The following ZMAT4 variants were observed in gnomAD, a reference collection of about 807,000 sequenced individuals.
ZMAT4 encodes zinc finger matrin-type 4, also known as zinc finger matrin-type protein 4.
In ZMAT4, 17 loss-of-function variants were observed where a neutral mutation model predicts 28.7. The ratio of observed to expected loss-of-function variants is 0.59; its 90% confidence interval spans 0.41 to 0.89. The LOEUF (loss-of-function observed/expected upper bound fraction) is 0.89, where lower values mean the gene tolerates loss of function less well. Ranked by LOEUF, ZMAT4 falls within the 40% of genes least tolerant of loss-of-function variation. The probability of loss-of-function intolerance (pLI) is 0.00; values close to 1 mark genes in which losing one functional copy is unlikely to be tolerated. For synonymous variants in ZMAT4, 117 were observed against 109.2 expected (o/e 1.07, Z -0.44); for missense variants, 240 against 283.8 (o/e 0.85, Z 1.11).
chr8:40,733,962 C>G (rs1054847579), intron 3 of ZMAT4, among the ~76,000 whole-genome samples: 4 of 152,036 alleles, frequency 2.6e-5, no homozygotes, highest in African/African-American at 9.7e-5. Context: ...AAACAAGATA[C>G]TATGTACACT....
chr8:40,624,833 C>T (rs1183256640), intron 5 of ZMAT4, among the ~76,000 whole-genome samples: 1 of 152,220 alleles, frequency 6.6e-6, no homozygotes, highest in African/African-American at 2.4e-5. Flanking sequence ...CACAGCCAGG[C>T]ACTGATCCAG....
At chr8:40,660,158 G>A (rs564808955) in intron 5 of ZMAT4, among the ~76,000 whole-genome samples, 9 of 152,066 alleles carry the variant, frequency 5.9e-5, no homozygotes, top group Admixed American at 3.3e-4. Context: ...TTTATTATTC[G>A]GGTCTAGGAA....
At position 40,833,540 on chromosome 8, in the gene ZMAT4, C is replaced by CAAAAAAAAAAAAAAAAAAAAAAAA. The variant is rs57458575; in HGVS notation, c.-4-7861_-4-7860insTTTTTTTTTTTTTTTTTTTTTTTT. Reference sequence around the variant, plus strand: ...CCGAGATCATACCACTACACTCCAGCAAAAAAAAAAAAAAAAAAGACATGA... The same window carrying CAAAAAAAAAAAAAAAAAAAAAAAA: ...CCGAGATCATACCACTACACTCCAGCAAAAAAAAAAAAAAAAAAAAAAAAAAAAAAAAAAAAAAAAAAGACATGA... On this transcript the variant is annotated intron_variant, in intron 1 of 6. Coordinates refer to ENST00000297737, the MANE Select transcript of ZMAT4 (RefSeq NM_024645.3). Among the ~76,000 whole-genome samples, 23 of 87,070 alleles carry CAAAAAAAAAAAAAAAAAAAAAAAA rather than the reference C, an allele frequency of 2.6e-4. 2 individuals are homozygous for CAAAAAAAAAAAAAAAAAAAAAAAA. The highest frequency in any genetic ancestry group is 6.8e-3 in the Middle Eastern group (1 of 148). The allele number at this position is 87,070 out of a possible 152,430, so 57.1% of individuals were successfully genotyped here.
intron 5 of ZMAT4, among the ~76,000 whole-genome samples, chr8:40,593,005 A>G (rs979449610): frequency 1.1e-4 from 16 of 152,220 alleles, no homozygotes; most frequent in Admixed American, 9.2e-4. Context: ...AGTGTACTCA[A>G]AGTGACTTTT....
intron 4 of ZMAT4, among the ~76,000 whole-genome samples, chr8:40,680,840 C>G (rs2150479018): frequency 6.6e-6 from 1 of 152,176 alleles, no homozygotes; most frequent in South Asian, 2.1e-4. Flanking sequence ...CCTTTTCTCT[C>G]ATGCTTAATG....
chr8:40,635,841 T>C (rs1045889274), intron 5 of ZMAT4, among the ~76,000 whole-genome samples: 2 of 152,218 alleles, frequency 1.3e-5, no homozygotes, highest in African/African-American at 4.8e-5. Context: ...GTGGATGTGA[T>C]CTGAAAGGCA....
intron 2 of ZMAT4, among the ~76,000 whole-genome samples, chr8:40,813,713 G>A (rs1351678716): frequency 1.3e-5 from 2 of 152,234 alleles, no homozygotes; most frequent in African/African-American, 2.4e-5. Flanking sequence ...TAAATTTCCA[G>A]AAGACGTATT....
chr8:40,612,578 A>G (rs1359093934), intron 5 of ZMAT4, among the ~76,000 whole-genome samples: 3 of 136,702 alleles, frequency 2.2e-5, no homozygotes, highest in African/African-American at 7.5e-5. Flanking sequence ...CCTTGTGTTT[A>G]TGATCTGAAG....
intron 6 of ZMAT4, among the ~76,000 whole-genome samples, chr8:40,565,758 CT>C (rs113385364): frequency 2.5e-3 from 357 of 140,562 alleles, no homozygotes; most frequent in Middle Eastern, 0.011. Flanking sequence ...TCCAGGCTAC[CT>C]TTTTTTTTTT....
In ZMAT4 at chr8:40,674,727, G is replaced by C. The variant is rs1312090653; in HGVS notation, c.554C>G (p.Thr185Ser). The C allele has an allele frequency of 6.8e-6, 11 of 1,613,748 alleles. No individual in the cohort carries two copies. The highest frequency in any genetic ancestry group is 5.9e-6 in the Non-Finnish European group (7 of 1,179,844). Residue 185 changes from threonine (T) to serine (S), a missense_variant, in exon 5 of 7, where the codon ACC becomes AGC. Transcript: ENST00000297737. Reference protein sequence around the residue: ...RVALLEQLGTTLDMGELRGLR... With the variant: ...RVALLEQLGTSLDMGELRGLR... ...ACCTCTCAGTTCCCCCATATCCAGG[G>C]TTGTCCCCAGTTGTTCTAACAAAGC...
intron 5 of ZMAT4, among the ~76,000 whole-genome samples, chr8:40,660,357 T>C (rs2589894): frequency 0.51 from 77,946 of 152,046 alleles, 20,382 homozygotes; most frequent in East Asian, 0.68. Context: ...AGTAAAGATA[T>C]GCAAATCATC....
In ZMAT4 at chr8:40,542,319, G is replaced by A. The variant is rs550280472; in HGVS notation, c.675-10081C>T. Among the ~76,000 whole-genome samples the A allele has an allele frequency of 5.9e-5, 9 of 152,252 alleles. No homozygotes were observed. In the East Asian group the frequency reaches 1.7e-3, roughly 29 times the overall value. The stretch of plus-strand genomic sequence containing the variant: ...GAGGGGTCAGGGAGGACCCTGGCTG[G>A]CCTATGAGCGGTAGAAAAAGCAGTA... On this transcript the variant is annotated intron_variant, in intron 6 of 6. Coordinates refer to ENST00000297737, the MANE Select transcript of ZMAT4 (RefSeq NM_024645.3).
At chr8:40,647,927 TCAC>T (rs1807420259) in intron 5 of ZMAT4, among the ~76,000 whole-genome samples, 2 of 152,054 alleles carry the variant, frequency 1.3e-5, no homozygotes, top group African/African-American at 4.8e-5. Flanking sequence ...CATCTGTACA[TCAC>T]CATCATCAAA....
intron 5 of ZMAT4, among the ~76,000 whole-genome samples, chr8:40,617,806 A>C (rs1806063103): frequency 1.3e-5 from 2 of 152,218 alleles, no homozygotes; most frequent in South Asian, 2.1e-4. Context: ...GATGATGTAC[A>C]ATAAACTGTG....
intron 3 of ZMAT4, among the ~76,000 whole-genome samples, chr8:40,744,755 A>G (rs562613227): frequency 6.6e-6 from 1 of 152,192 alleles, no homozygotes; most frequent in Non-Finnish European, 1.5e-5. Flanking sequence ...GAAAGAGTAA[A>G]ATGTTTTAGC....
In ZMAT4 at chr8:40,576,179, T is replaced by C. The variant is rs374644332; in HGVS notation, c.674+4986A>G. 2.6e-5 allele frequency among the ~76,000 whole-genome samples: 4 copies of C among 151,882 alleles called. No homozygotes were observed. In the South Asian group the frequency reaches 8.4e-4, roughly 32 times the overall value. ...AAGCCTGAAAACATATGGGAAACCA[T>C]AACACAAATATTTGTGCTATGGGAG... On this transcript the variant is annotated intron_variant, in intron 6 of 6. Transcript: ENST00000297737.
chr8:40,832,728 CAG>C lies in ZMAT4; in HGVS notation c.-4-7050_-4-7049del, dbSNP rs1816332969. 8.5e-5 allele frequency among the ~76,000 whole-genome samples: 13 copies of C among 152,322 alleles called. No individual in the cohort carries two copies. The South Asian group carries it at 2.5e-3, about 29-fold the overall frequency. On this transcript the variant is annotated intron_variant, in intron 1 of 6. Coordinates refer to ENST00000297737, the MANE Select transcript of ZMAT4 (RefSeq NM_024645.3). ...CTATGACCTGGTTATGAATGTGAAA[CAG>C]ACAGGAGGCCTTCCGCTGTTGTTTA... is the stretch of plus-strand genomic sequence containing the variant.
intron 3 of ZMAT4, among the ~76,000 whole-genome samples, chr8:40,720,172 C>T (rs1182761432): frequency 6.6e-6 from 1 of 152,160 alleles, no homozygotes. Context: ...TTGAAAACAT[C>T]AACATGGTCA....
intron 5 of ZMAT4, among the ~76,000 whole-genome samples, chr8:40,659,030 G>A (rs1430309904): frequency 1.3e-5 from 2 of 152,120 alleles, no homozygotes; most frequent in African/African-American, 2.4e-5. Context: ...TCCCCAAGAC[G>A]TGGTTGCAGC....
Sources: allele counts gnomAD v4.1 joint callset (sites outside exome capture counted in the v4.1 genomes callset), GRCh38; gene constraint gnomAD v4.1.1; transcripts MANE v1.5; gene names NCBI Gene and HGNC (gene_info 2026-07-23, HGNC 2026-07-21).